SYNE1: variants seen among roughly 807,000 people sequenced by gnomAD.
The protein encoded by SYNE1 is spectrin repeat containing nuclear envelope protein 1, also known as nesprin-1.
SYNE1 carries 616 observed loss-of-function variants against 1,111.0 expected under a neutral mutation model. The ratio of observed to expected loss-of-function variants is 0.55; its 90% CI spans 0.52 to 0.59. The LOEUF is 0.59. SYNE1 is among the 20% of genes least tolerant of loss of function. The probability of loss-of-function intolerance (pLI) is 0.00; values close to 1 mark genes in which losing one functional copy is unlikely to be tolerated. For synonymous variants in SYNE1, 3,855 were observed against 3,825.8 expected, an observed-to-expected ratio of 1.01 and a Z score of -0.28; for missense variants, 10,006 against 10,417.0, an observed-to-expected ratio of 0.96 and a Z score of 1.72.
At chr6:152,207,743 A>T (rs2076784412) in intron 125 of SYNE1, among the ~76,000 whole-genome samples, 1 of 152,208 alleles carries the variant, frequency 6.6e-6, no homozygotes, top group Non-Finnish European at 1.5e-5. Flanking sequence ...GGCAGGCCAT[A>T]GTGTGTGAAG....
chr6:152,512,350 C>A (rs144920571), intron 6 of SYNE1, among the ~76,000 whole-genome samples: 1 of 152,088 alleles, frequency 6.6e-6, no homozygotes, highest in African/African-American at 2.4e-5. Context: ...CAGTATAAGA[C>A]GTTTAAGATA....
chr6:152,453,834 C>T (rs1204182442), intron 24 of SYNE1, 114 bp from the exon 25 acceptor site: 1 of 1,304,158 alleles, frequency 7.7e-7, no homozygotes, highest in South Asian at 1.2e-5. Context: ...TGCCCTCTTG[C>T]AGACTTCCAG....
intron 3 of SYNE1, among the ~76,000 whole-genome samples, chr6:152,573,436 GTT>G (rs543706258): frequency 6.7e-6 from 1 of 149,198 alleles, no homozygotes; most frequent in Non-Finnish European, 1.5e-5. Context: ...GCGGTGTTTG[GTT>G]TTTTGTCCTT....
intron 74 of SYNE1, among the ~76,000 whole-genome samples, chr6:152,342,502 A>G (rs2096553476): frequency 1.3e-5 from 2 of 152,234 alleles, no homozygotes; most frequent in Non-Finnish European, 2.9e-5. Flanking sequence ...ACTTTTGTGA[A>G]CCATTGAATG....
chr6:152,313,498 C>G (rs2095616759), intron 87 of SYNE1, among the ~76,000 whole-genome samples: 2 of 143,236 alleles, frequency 1.4e-5, no homozygotes, highest in Admixed American at 1.4e-4. Context: ...GAGTCTTGCT[C>G]TGTGGCCAGG....
At chr6:152,501,642 G>T (rs1291245031) in intron 10 of SYNE1, among the ~76,000 whole-genome samples, 2 of 152,028 alleles carry the variant, frequency 1.3e-5, no homozygotes, top group Non-Finnish European at 2.9e-5. Context: ...GGCTGAGGCA[G>T]GAGAATTGTT....
Position 152,148,967 on chromosome 6 carries a change from AAG to A in SYNE1, c.24642+508_24642+509del. ...CCAAATACTCTAATAACATCTCTAT[AAG>A]TAAGATGTGATTATGGTAGCAATTA... On this transcript the variant is annotated intron_variant, in intron 136 of 145. Transcript: ENST00000367255. This position sits in a 1 kb window ranked among gnomAD's most constrained non-coding sequence, Gnocchi z 4.1. Among the ~76,000 whole-genome samples, 1 of 152,144 alleles carries A rather than the reference AAG, an allele frequency of 6.6e-6. No homozygotes were observed. The highest frequency in any genetic ancestry group is 1.9e-4 in the East Asian group (1 of 5,188).
At chr6:152,534,206 A>AATG (rs1564694787) in intron 4 of SYNE1, among the ~76,000 whole-genome samples, 25 of 120,916 alleles carry the variant, frequency 2.1e-4, no homozygotes, top group East Asian at 5.0e-4. Context: ...ATGAATGAAT[A>AATG]AATAAATAAA....
chr6:152,426,465 G>A (rs1250240944), intron 38 of SYNE1, among the ~76,000 whole-genome samples: 2 of 152,244 alleles, frequency 1.3e-5, no homozygotes, highest in Non-Finnish European at 2.9e-5. Context: ...CCCACGAGGC[G>A]AGGCTGCCTT....
rs964510793 is a variant in SYNE1 at position 152,487,841 on chromosome 6, C to T, written c.1047+555G>A. 1.4e-4 allele frequency among the ~76,000 whole-genome samples: 22 copies of T among 152,080 alleles called. 1 individual carries two copies. Among genetic ancestry groups the T allele is most frequent in the East Asian group, 3.9e-4 (2 of 5,174 alleles). On this transcript the variant is annotated intron_variant, in intron 12 of 145. Transcript: ENST00000367255. ...CTGTAATCCCAGCACTTTGGGAGGC[C>T]GAGGCAGGTGGATCCCGAGGTCAGG...
chr6:152,512,969 G>A (rs888533044), intron 6 of SYNE1, among the ~76,000 whole-genome samples: 1 of 152,202 alleles, frequency 6.6e-6, no homozygotes, highest in African/African-American at 2.4e-5. Context: ...TGAGCCAGAT[G>A]TTCTCAAAGG....
intron 115 of SYNE1, among the ~76,000 whole-genome samples, chr6:152,230,300 C>T (rs937430210): frequency 1.3e-5 from 2 of 152,056 alleles, no homozygotes; most frequent in Non-Finnish European, 2.9e-5. Context: ...GGGTTCATAG[C>T]ATTTCTCTCT....
intron 132 of SYNE1, among the ~76,000 whole-genome samples, 168 bp downstream of exon 132, chr6:152,155,742 T>C (rs765246540): frequency 7.2e-5 from 11 of 152,248 alleles, no homozygotes; most frequent in Non-Finnish European, 1.0e-4. Flanking sequence ...ATTACCTTTA[T>C]ACCTACTTAT....
At chr6:152,369,982 C>CAAAAAAAAA (rs778013525) in intron 59 of SYNE1, among the ~76,000 whole-genome samples, 18 of 49,982 alleles carry the variant, frequency 3.6e-4, no homozygotes, top group African/African-American at 1.1e-3. Context: ...GACTCTGTCT[C>CAAAAAAAAA]AAAAAAAAAA....
chr6:152,466,819 A>G (rs1258678692), intron 16 of SYNE1, among the ~76,000 whole-genome samples: 1 of 152,088 alleles, frequency 6.6e-6, no homozygotes, highest in Non-Finnish European at 1.5e-5. Context: ...AAATTAATGC[A>G]ATTACAGTTA....
chr6:152,467,768 T>A (rs1390451879), intron 16 of SYNE1, among the ~76,000 whole-genome samples: 1 of 152,174 alleles, frequency 6.6e-6, no homozygotes, highest in East Asian at 1.9e-4. Flanking sequence ...TTAGGAAGAC[T>A]GGATGATTAA....
chr6:152,249,119 C>A, intron 105 of SYNE1, 42 bp downstream of exon 105: 20 of 1,247,618 alleles, frequency 1.6e-5, no homozygotes, highest in Non-Finnish European at 2.4e-5. Flanking sequence ...GTCATATCTC[C>A]TCTATGCATT....
At chr6:152,518,116 T>C (rs2099121413) in intron 6 of SYNE1, among the ~76,000 whole-genome samples, 1 of 151,602 alleles carries the variant, frequency 6.6e-6, no homozygotes, top group Non-Finnish European at 1.5e-5. Flanking sequence ...AAATAGTTTT[T>C]TGACTGGATA....
intron 142 of SYNE1, chr6:152,134,713 C>T: frequency 4.6e-6 from 1 of 217,254 alleles, no homozygotes; most frequent in South Asian, 6.9e-5. Context: ...AAACAAAAGA[C>T]TTAATTGTCT....
Sources: allele counts gnomAD v4.1 joint callset (sites outside exome capture counted in the v4.1 genomes callset), GRCh38; gene constraint gnomAD v4.1.1; non-coding constraint Gnocchi (gnomAD v3.1); transcripts MANE v1.5; gene names NCBI Gene and HGNC (gene_info 2026-07-23, HGNC 2026-07-21).